NMNAT2: variants seen among roughly 807,000 people sequenced by gnomAD.
NMNAT2 encodes the protein nicotinamide/nicotinic acid mononucleotide adenylyltransferase 2.
A neutral mutation model predicts 41.6 loss-of-function variants in NMNAT2; 11 were observed. That is an observed-to-expected ratio of 0.26 (90% CI 0.17 to 0.44). The LOEUF is 0.44. NMNAT2 is among the 20% of genes least tolerant of loss of function. The pLI is 1.00. For synonymous variants in NMNAT2, 148 were observed against 151.2 expected (o/e 0.98, Z 0.16); for missense variants, 288 against 407.7 (o/e 0.71, Z 2.53).
rs190012859 is a variant in NMNAT2 at position 183,352,362 on chromosome 1, G to A, written c.86-58569C>T. ...GTGGATCACCTGAAGTCAGGAGTTC[G>A]AGACCAGCCTGGCCAACATGGTGAA... is the stretch of plus-strand genomic sequence containing the variant. On this transcript the variant is annotated intron_variant, in intron 1 of 10. Transcript: ENST00000287713. Among the ~76,000 whole-genome samples, 253 of 152,050 alleles carry A rather than the reference G, an allele frequency of 1.7e-3. 1 individual carries two copies. Among genetic ancestry groups the A allele is most frequent in the Non-Finnish European group, 3.0e-3 (205 of 67,958 alleles).
chr1:183,418,246 G>A lies in NMNAT2; in HGVS notation c.22C>T (p.His8Tyr). Reference sequence around the variant, plus strand: ...CTGCCGCAGGCGAGCAAGATAACGTGGGTCTTGGTGGTCTCGGTCATGGTG... The same window carrying A: ...CTGCCGCAGGCGAGCAAGATAACGTAGGTCTTGGTGGTCTCGGTCATGGTG... MTETTKT[H>Y]VILLACGSFN... The change falls in exon 1 of 11, where the codon CAC (histidine) becomes TAC (tyrosine). Residue 8 changes from histidine to tyrosine, a missense_variant. His to Tyr is a moderately conservative substitution (Grantham distance 83). Around this residue, in one of 3 missense-constraint regions of NMNAT2, gnomAD observed 100 missense variants for 168.5 expected, o/e 0.59. Coordinates refer to ENST00000287713, the MANE Select transcript of NMNAT2 (RefSeq NM_015039.4). The A allele has an allele frequency of 6.2e-7, 1 of 1,614,138 alleles. No homozygotes were observed. Among genetic ancestry groups the A allele is most frequent in the South Asian group, 1.1e-5 (1 of 91,082 alleles).
chr1:183,263,626 G>T (rs1660723969), intron 8 of NMNAT2, among the ~76,000 whole-genome samples: 1 of 152,146 alleles, frequency 6.6e-6, no homozygotes. Flanking sequence ...AGACCACGGT[G>T]AAACCCTGTC....
chr1:183,304,847 C>G (rs1215891780), intron 1 of NMNAT2: 1 of 1,579,156 alleles, frequency 6.3e-7, no homozygotes, highest in African/African-American at 1.3e-5. Flanking sequence ...TTGTTTGCTC[C>G]ACTACCTCCA....
At chr1:183,401,507 C>T (rs535914627) in intron 1 of NMNAT2, among the ~76,000 whole-genome samples, 10 of 152,248 alleles carry the variant, frequency 6.6e-5, no homozygotes, top group East Asian at 3.9e-4. Flanking sequence ...GACAGTGTGG[C>T]GATTCCTGAA....
chr1:183,266,388 G>C lies in NMNAT2; in HGVS notation c.652-5085C>G, dbSNP rs2102285826. On this transcript the variant is annotated intron_variant, in intron 8 of 10. Coordinates refer to ENST00000287713, the MANE Select transcript of NMNAT2 (RefSeq NM_015039.4). Reference sequence around the variant, plus strand: ...AATGTCACCTTCTTGGTGAGATCCTGTCTGGCCACCCTAATTAAACCTGCA... The same window carrying C: ...AATGTCACCTTCTTGGTGAGATCCTCTCTGGCCACCCTAATTAAACCTGCA... Among the ~76,000 whole-genome samples the C allele has an allele frequency of 1.3e-5, 2 of 152,248 alleles. 1 individual carries two copies. The highest frequency in any genetic ancestry group is 3.9e-4 in the East Asian group (2 of 5,176).
At position 183,248,802 on chromosome 1, in the gene NMNAT2, G is replaced by C. The variant is rs1295492721; in HGVS notation, c.*3839C>G. 6.6e-6 allele frequency: 1 copy of C among 152,014 alleles called. No individual in the cohort carries two copies. Among genetic ancestry groups the C allele is most frequent in the Non-Finnish European group, 1.5e-5 (1 of 68,030 alleles). 9.4% of individuals were successfully genotyped at this position (152,014 alleles called of 1,614,324 possible). A position where few individuals can be genotyped will look rare whatever the true frequency, so the allele number is the denominator to read the frequency against. On this transcript the variant is annotated 3_prime_UTR_variant, in exon 11 of 11. Coordinates refer to ENST00000287713, the MANE Select transcript of NMNAT2 (RefSeq NM_015039.4). ...TAGGTAGCCTTGGGAGAGATCCTGA[G>C]CTTTTCATATTCTACCGTTTTATTT...
intron 4 of NMNAT2, among the ~76,000 whole-genome samples, chr1:183,289,211 CT>C (rs1661470208): frequency 6.6e-6 from 1 of 152,196 alleles, no homozygotes; most frequent in South Asian, 2.1e-4. Flanking sequence ...AGGTGGACTG[CT>C]ATCTGGGGCT....
intron 1 of NMNAT2, among the ~76,000 whole-genome samples, chr1:183,333,449 C>T (rs1208136738): frequency 6.6e-6 from 1 of 152,058 alleles, no homozygotes; most frequent in Non-Finnish European, 1.5e-5. Context: ...ACTTAAGGAT[C>T]CTTATAAGAG....
At chr1:183,410,823 T>C (rs10911329) in intron 1 of NMNAT2, among the ~76,000 whole-genome samples, 11,414 of 151,708 alleles carry the variant, frequency 0.075, 482 homozygotes, top group Admixed American at 0.11. Context: ...GCTCAAGTGA[T>C]CCCTCCATCT....
intron 1 of NMNAT2, among the ~76,000 whole-genome samples, chr1:183,384,151 TA>T (rs1178616038): frequency 3.3e-5 from 5 of 150,730 alleles, no homozygotes; most frequent in African/African-American, 1.0e-4. Context: ...AGGCACCTCT[TA>T]TGTGGCCGGA....
intron 10 of NMNAT2, among the ~76,000 whole-genome samples, chr1:183,259,796 T>C (rs1358012311): frequency 1.3e-5 from 2 of 152,134 alleles, no homozygotes; most frequent in Non-Finnish European, 2.9e-5. Context: ...AGACGGGGTT[T>C]CACCGTGTTA....
At chr1:183,392,000 A>C (rs149641219) in intron 1 of NMNAT2, among the ~76,000 whole-genome samples, 1 of 151,494 alleles carries the variant, frequency 6.6e-6, no homozygotes, top group Non-Finnish European at 1.5e-5. Context: ...CAATGCATTC[A>C]CTCCCTTGGT....
At chr1:183,368,655 T>A (rs866333305) in intron 1 of NMNAT2, among the ~76,000 whole-genome samples, 2 of 152,172 alleles carry the variant, frequency 1.3e-5, no homozygotes, top group African/African-American at 4.8e-5. Flanking sequence ...AGCACTTTGC[T>A]TCAGCACCTT....
chr1:183,378,074 T>C (rs1663716853), intron 1 of NMNAT2, among the ~76,000 whole-genome samples: 1 of 152,078 alleles, frequency 6.6e-6, no homozygotes, highest in African/African-American at 2.4e-5. Flanking sequence ...TGAAACACAA[T>C]TTATAACATA....
rs10655990 is a variant in NMNAT2, at chr1:183,404,099, A to ATTTT, written c.85+14080_85+14083dup. Reference sequence around the variant, plus strand: ...ATTCAGGCAAAAGCCCAGAAATGTAATTTTTTTTTTTTTTTTTTGAGATGG... The same window carrying ATTTT: ...ATTCAGGCAAAAGCCCAGAAATGTAATTTTTTTTTTTTTTTTTTTTTTGAGATGG... On this transcript the variant is annotated intron_variant, in intron 1 of 10. Transcript: ENST00000287713. 3.1e-4 allele frequency among the ~76,000 whole-genome samples: 43 copies of ATTTT among 138,488 alleles called. 3 individuals carry two copies. The highest frequency in any genetic ancestry group is 7.7e-3 in the Middle Eastern group (2 of 260). 90.9% of individuals were successfully genotyped at this position (138,488 alleles called of 152,430 possible). A position where few individuals can be genotyped will look rare whatever the true frequency, so the allele number is the denominator to read the frequency against.
chr1:183,293,620 G>A (rs1571579392), intron 2 of NMNAT2, 85 bp downstream of exon 2: 7 of 934,126 alleles, frequency 7.5e-6, no homozygotes, highest in South Asian at 2.6e-5. Context: ...GAGACAGAGC[G>A]GGGGCAGTTT....
chr1:183,332,029 C>T (rs966193743), intron 1 of NMNAT2, among the ~76,000 whole-genome samples: 6 of 152,170 alleles, frequency 3.9e-5, no homozygotes, highest in South Asian at 2.1e-4. Flanking sequence ...GTGATCCACA[C>T]GCCTCAGCCT....
chr1:183,317,340 C>G (rs2102328080), intron 1 of NMNAT2, among the ~76,000 whole-genome samples: 1 of 152,328 alleles, frequency 6.6e-6, no homozygotes, highest in Non-Finnish European at 1.5e-5. Context: ...CAGTGGCTAC[C>G]TCCTGGCTCA....
intron 1 of NMNAT2, among the ~76,000 whole-genome samples, chr1:183,394,131 T>C (rs190434176): frequency 6.6e-6 from 1 of 152,358 alleles, no homozygotes; most frequent in Admixed American, 6.5e-5. Flanking sequence ...CTTATTAACA[T>C]GTTACCCACA....
Sources: gnomAD v4.1 joint callset for allele counts (sites outside exome capture counted in the v4.1 genomes callset) on GRCh38, gnomAD v4.1.1 for gene constraint, gnomAD v4.1.1 regional missense constraint, MANE v1.5 for transcripts, NCBI Gene and HGNC (gene_info 2026-07-23, HGNC 2026-07-21) for gene names.